The following ADCY2 variants were observed in gnomAD, a reference collection of about 807,000 sequenced individuals.
ADCY2 encodes the protein adenylate cyclase type 2.
ADCY2 carries 31 observed loss-of-function variants against 125.2 expected under a neutral mutation model. The ratio of observed to expected loss-of-function variants is 0.25; its 90% confidence interval spans 0.19 to 0.33. The LOEUF (loss-of-function observed/expected upper bound fraction) is 0.33, where lower values mean the gene tolerates loss of function less well. Ranked by LOEUF, ADCY2 falls within the 10% of genes least tolerant of loss-of-function variation. ADCY2 has a pLI of 1.00. For synonymous variants in ADCY2, 512 were observed against 548.4 expected, an observed-to-expected ratio of 0.93 and a Z score of 0.93; for missense variants, 904 against 1,418.2, an observed-to-expected ratio of 0.64 and a Z score of 5.82.
intron 4 of ADCY2, among the ~76,000 whole-genome samples, chr5:7,659,975 T>A (rs1695619697): frequency 6.6e-6 from 1 of 152,112 alleles, no homozygotes; most frequent in Admixed American, 6.5e-5. Context: ...AAGTGGGAGC[T>A]TAACATTAAA....
At chr5:7,683,231 A>G (rs1740399248) in intron 4 of ADCY2, among the ~76,000 whole-genome samples, 1 of 152,228 alleles carries the variant, frequency 6.6e-6, no homozygotes, top group African/African-American at 2.4e-5. Context: ...GGGGCTTTCC[A>G]GAGCTTTTAC....
chr5:7,511,889 A>G (rs913281057), intron 2 of ADCY2, among the ~76,000 whole-genome samples: 1 of 152,032 alleles, frequency 6.6e-6, no homozygotes, highest in Non-Finnish European at 1.5e-5. Flanking sequence ...CCTTATTGGC[A>G]TGATAAGGAC....
chr5:7,763,048 TTTTTTTG>T (rs1359093631), intron 16 of ADCY2, among the ~76,000 whole-genome samples: 1 of 133,244 alleles, frequency 7.5e-6, no homozygotes, highest in East Asian at 3.1e-4. Context: ...TTTTCTTTGT[TTTTTTTG>T]TTTGTTTGTT....
Position 7,741,881 on chromosome 5 carries a change from C to T in ADCY2, c.1872-1787C>T, listed in dbSNP as rs557942176. ...ACCATCCCTATCAATATCACCATCA[C>T]TATCCCTGTCACCATCACTGTATCA... On this transcript the variant is annotated intron_variant, in intron 14 of 24. Coordinates refer to ENST00000338316, the MANE Select transcript of ADCY2 (RefSeq NM_020546.3). Among the ~76,000 whole-genome samples, 1,044 of 150,904 alleles carry T rather than the reference C, an allele frequency of 6.9e-3. 5 individuals carry two copies. Among genetic ancestry groups the T allele is most frequent in the Non-Finnish European group, 0.011 (732 of 67,762 alleles).
At chr5:7,601,637 C>A (rs182303146) in intron 3 of ADCY2, among the ~76,000 whole-genome samples, 1 of 152,114 alleles carries the variant, frequency 6.6e-6, no homozygotes, top group Admixed American at 6.5e-5. Flanking sequence ...ATGAATGAGA[C>A]AACCCACACC....
At chr5:7,584,119 GT>G (rs1736537294) in intron 3 of ADCY2, among the ~76,000 whole-genome samples, 1 of 151,992 alleles carries the variant, frequency 6.6e-6, no homozygotes, top group Non-Finnish European at 1.5e-5. Context: ...TCTTTATAGG[GT>G]TTTTCTTTAC....
intron 2 of ADCY2, among the ~76,000 whole-genome samples, chr5:7,463,618 TAAA>T (rs33927169): frequency 1.7e-3 from 174 of 102,526 alleles, no homozygotes; most frequent in East Asian, 0.011. Flanking sequence ...AGGTGATAGA[TAAA>T]AAAAAAAAAA....
At chr5:7,799,751 G>C (rs71604189) in intron 20 of ADCY2, 1 of 152,292 alleles carries the variant, frequency 6.6e-6, no homozygotes, top group South Asian at 2.1e-4. Context: ...CAATGCCTGC[G>C]CTTGGAGCCC....
At chr5:7,550,766 A>G (rs1735304458) in intron 3 of ADCY2, among the ~76,000 whole-genome samples, 1 of 151,938 alleles carries the variant, frequency 6.6e-6, no homozygotes, top group South Asian at 2.1e-4. Context: ...CATGCCCTTC[A>G]TCCTCACCTG....
At chr5:7,621,074 A>G (rs1239781184) in intron 3 of ADCY2, among the ~76,000 whole-genome samples, 4 of 152,242 alleles carry the variant, frequency 2.6e-5, no homozygotes, top group Admixed American at 6.5e-5. Flanking sequence ...TATCAAAGCC[A>G]TAACAAGGGA....
At chr5:7,528,287 T>C (rs1325564404) in intron 3 of ADCY2, among the ~76,000 whole-genome samples, 1 of 152,180 alleles carries the variant, frequency 6.6e-6, no homozygotes, top group African/African-American at 2.4e-5. Context: ...GTAGGGCCAG[T>C]GAACAAAACA....
At chr5:7,417,851 A>T (rs941412917) in intron 2 of ADCY2, among the ~76,000 whole-genome samples, 1 of 152,198 alleles carries the variant, frequency 6.6e-6, no homozygotes, top group African/African-American at 2.4e-5. Flanking sequence ...TCTCTCCAGT[A>T]TCCTATCCTT....
intron 24 of ADCY2, among the ~76,000 whole-genome samples, chr5:7,821,892 C>T (rs902495515): frequency 2.6e-5 from 4 of 152,258 alleles, no homozygotes; most frequent in Admixed American, 6.5e-5. Flanking sequence ...ACAGGAAGAA[C>T]GGAGTGAGGG....
chr5:7,781,808 A>G (rs1397101742), intron 18 of ADCY2, among the ~76,000 whole-genome samples: 2 of 152,146 alleles, frequency 1.3e-5, no homozygotes, highest in Admixed American at 6.5e-5. Flanking sequence ...ACCATGCTCC[A>G]TGCCCCTCCT....
At chr5:7,434,051 G>A (rs190042361) in intron 2 of ADCY2, among the ~76,000 whole-genome samples, 5 of 152,214 alleles carry the variant, frequency 3.3e-5, no homozygotes, top group Non-Finnish European at 7.4e-5. Context: ...TCCTCATGAC[G>A]TCAATACAGG....
intron 4 of ADCY2, among the ~76,000 whole-genome samples, chr5:7,685,672 G>T (rs986407992): frequency 2.0e-5 from 3 of 152,212 alleles, no homozygotes; most frequent in Non-Finnish European, 4.4e-5. Context: ...CAGTTGTTGG[G>T]AGAACAGGGT....
chr5:7,603,004 T>C (rs986920646), intron 3 of ADCY2, among the ~76,000 whole-genome samples: 7 of 152,170 alleles, frequency 4.6e-5, no homozygotes, highest in African/African-American at 1.7e-4. Context: ...GAGGAGCCCA[T>C]TGGCTTTGCT....
chr5:7,483,113 T>A (rs10070555), intron 2 of ADCY2, among the ~76,000 whole-genome samples: 1 of 152,060 alleles, frequency 6.6e-6, no homozygotes, highest in Admixed American at 6.6e-5. Flanking sequence ...ACAGTAGCGT[T>A]ACTGTAGTTA....
chr5:7,538,688 A>G (rs1004165759), intron 3 of ADCY2, among the ~76,000 whole-genome samples: 3 of 152,142 alleles, frequency 2.0e-5, no homozygotes, highest in East Asian at 3.9e-4. Context: ...GATTAATCAT[A>G]TAAACCTTAA....
Sources: allele counts gnomAD v4.1 joint callset (sites outside exome capture counted in the v4.1 genomes callset), GRCh38; gene constraint gnomAD v4.1.1; transcripts MANE v1.5; gene names NCBI Gene and HGNC (gene_info 2026-07-23, HGNC 2026-07-21).